The following PROX1 variants were observed in gnomAD, a reference collection of about 807,000 sequenced individuals.
PROX1 encodes prospero homeobox 1, also known as prospero homeobox protein 1.
A neutral mutation model predicts 58.8 loss-of-function variants in PROX1; 7 were observed. The observed-to-expected ratio is 0.12, with a 90% CI of 0.07 to 0.22. The LOEUF (loss-of-function observed/expected upper bound fraction) is 0.22. Ranked by LOEUF, PROX1 falls within the 10% of genes least tolerant of loss-of-function variation. The pLI, the probability that PROX1 is intolerant of heterozygous loss-of-function variation, is 1.00. For missense variants in PROX1, 675 were observed against 927.8 expected (o/e 0.73, Z 3.54); for synonymous variants, 350 against 358.3 (o/e 0.98, Z 0.26).
intron 4 of PROX1, among the ~76,000 whole-genome samples, chr1:214,013,669 G>A (rs1261870276): frequency 6.6e-6 from 1 of 152,138 alleles, no homozygotes; most frequent in Admixed American, 6.5e-5. Flanking sequence ...GGCATCAGGA[G>A]GTACCCGACA....
Position 213,997,514 on chromosome 1 carries a change from C to G in PROX1, c.979C>G (p.Arg327Gly). 5 of 1,613,978 alleles carry G rather than the reference C, an allele frequency of 3.1e-6. No individual in the cohort carries two copies. Among genetic ancestry groups the G allele is most frequent in the Non-Finnish European group, 3.4e-6 (4 of 1,179,968 alleles). The change falls in exon 2 of 5, where the codon CGA becomes GGA. Residue 327 changes from arginine (R) to glycine (G), a missense_variant. Physicochemically the swap from Arg to Gly is moderately radical, Grantham distance 125. Coordinates refer to ENST00000366958, the MANE Select transcript of PROX1 (RefSeq NM_001270616.2). This position sits in a 1 kb window ranked among gnomAD's most constrained non-coding sequence, Gnocchi z 7.1. Reference sequence around the variant, plus strand: ...GGAAATGGCTGAAAACAAGCCGAAGCGAGAAGGCAACAACAAAGAAAGAGA... The same window carrying G: ...GGAAATGGCTGAAAACAAGCCGAAGGGAGAAGGCAACAACAAAGAAAGAGA... ...EQEMAENKPK[R>G]EGNNKERDHG... is the part of the protein sequence containing the mutation.
At position 213,998,007 on chromosome 1, in the gene PROX1, A is replaced by G. The variant is rs767054403; in HGVS notation, c.1472A>G (p.Tyr491Cys). The part of the protein sequence containing the change: ...RHPFPLPLMA[Y>C]PFQSPLGAPS... ...CCCTTCCCCCTTCCCTTGATGGCCT[A>G]TCCATTTCAGAGCCCATTAGGTGCT... The change falls in exon 2 of 5, where the codon TAT (tyrosine) becomes TGT (cysteine). Residue 491 changes from tyrosine to cysteine, a missense_variant. By Grantham distance (194) the Tyr-to-Cys change is radical. Transcript: ENST00000366958. 16 of 1,613,172 alleles carry G rather than the reference A, an allele frequency of 9.9e-6. 2 individuals are homozygous for G. In the South Asian group the frequency reaches 1.8e-4, roughly 18 times the overall value.
intron 2 of PROX1, among the ~76,000 whole-genome samples, chr1:213,999,186 G>A (rs375155351): frequency 1.6e-4 from 24 of 152,062 alleles, no homozygotes; most frequent in African/African-American, 5.1e-4. Flanking sequence ...GGCCTATCCC[G>A]AACTCCAGCT....
Position 213,997,737 on chromosome 1 carries a change from A to C in PROX1, c.1202A>C (p.Asn401Thr). The change falls in exon 2 of 5, where the codon AAT (asparagine) becomes ACT (threonine). Residue 401 changes from asparagine (N) to threonine (T), a missense_variant. By Grantham distance (65) the Asn-to-Thr change is moderately conservative. This residue lies in a region of PROX1 where 403 missense variants were observed against 477.4 expected (regional missense o/e 0.84). Transcript: ENST00000366958. This position sits in a 1 kb window ranked among gnomAD's most constrained non-coding sequence, Gnocchi z 7.1. ...TTTGCAGTCAATGGGGAAAACCACA[A>C]TTTCCACACCGCCAACCAGCGCCTG... Reference protein sequence around the residue: ...ARFAVNGENHNFHTANQRLQC... With the variant: ...ARFAVNGENHTFHTANQRLQC... The C allele has an allele frequency of 6.2e-7, 1 of 1,614,014 alleles. No homozygotes were observed. Among genetic ancestry groups the C allele is most frequent in the African/African-American group, 1.3e-5 (1 of 75,012 alleles).
intron 4 of PROX1, among the ~76,000 whole-genome samples, chr1:214,024,734 C>T (rs72753601): frequency 6.6e-6 from 1 of 152,292 alleles, no homozygotes; most frequent in Non-Finnish European, 1.5e-5. Context: ...TCACGTAATA[C>T]ATTCTCGAAC....
chr1:214,017,423 C>A, intron 4 of PROX1, among the ~76,000 whole-genome samples: 1 of 152,114 alleles, frequency 6.6e-6, no homozygotes, highest in Non-Finnish European at 1.5e-5. Flanking sequence ...TCAGTTACTC[C>A]ATTTAATGTA....
rs1329830884 is a variant in PROX1, at chr1:213,998,133, T to C, written c.1598T>C (p.Leu533Pro). Residue 533 changes from leucine (L) to proline (P), a missense_variant, in exon 2 of 5, where the codon CTG (leucine) becomes CCG (proline). This residue lies in a region of PROX1 where 403 missense variants were observed against 477.4 expected (regional missense o/e 0.84). Coordinates refer to ENST00000366958, the MANE Select transcript of PROX1 (RefSeq NM_001270616.2). ...SLRTKMSSHH[L>P]SHHPCSPAHP... The stretch of plus-strand genomic sequence containing the variant: ...AGGACCAAGATGTCATCTCACCACC[T>C]GAGCCACCACCCTTGTTCACCAGCA... The C allele has an allele frequency of 6.2e-7, 1 of 1,614,092 alleles. No homozygotes were observed.
At chr1:213,984,691 C>T (rs907810678), upstream of PROX1, 1 of 153,258 alleles carries the variant, frequency 6.5e-6, no homozygotes, top group African/African-American at 2.4e-5. Flanking sequence ...GGTTGGTTTT[C>T]CTCTCTTCCC....
Position 214,027,085 on chromosome 1 carries a change from C to G in PROX1, c.2029-8564C>G, listed in dbSNP as rs183598069. Among the ~76,000 whole-genome samples the G allele has an allele frequency of 7.2e-5, 11 of 152,256 alleles. No individual in the cohort carries two copies. The East Asian group carries it at 2.1e-3, about 29-fold the overall frequency. On this transcript the variant is annotated intron_variant, in intron 4 of 4. Coordinates refer to ENST00000366958, the MANE Select transcript of PROX1 (RefSeq NM_001270616.2). Reference sequence around the variant, plus strand: ...TCCATGTAGGTGACAGGAGGAGAGACCTGCTTTCCCGTTGCCACTTTTTGG... The same window carrying G: ...TCCATGTAGGTGACAGGAGGAGAGAGCTGCTTTCCCGTTGCCACTTTTTGG...
At chr1:214,011,825 A>C (rs1057137804) in intron 4 of PROX1, 110 bp downstream of exon 4, 9 of 878,256 alleles carry the variant, frequency 1.0e-5, no homozygotes, top group Non-Finnish European at 1.3e-5. Flanking sequence ...GCATACAAGC[A>C]TCCCCCAATA....
chr1:213,991,677 C>T (rs1002028214), intron 1 of PROX1, among the ~76,000 whole-genome samples: 1 of 152,220 alleles, frequency 6.6e-6, no homozygotes, highest in Non-Finnish European at 1.5e-5. Flanking sequence ...CATCATTCCT[C>T]TATAAGCAGC....
At chr1:213,999,880 A>G (rs972082475) in intron 2 of PROX1, among the ~76,000 whole-genome samples, 1 of 152,206 alleles carries the variant, frequency 6.6e-6, no homozygotes, top group African/African-American at 2.4e-5. Flanking sequence ...AGAAGACACA[A>G]TGGCTTGAAT....
At chr1:213,988,833 C>T (rs1461872234) in intron 1 of PROX1, 2 of 151,984 alleles carry the variant, frequency 1.3e-5, no homozygotes, top group African/African-American at 2.4e-5. Flanking sequence ...ATCTTGTCAC[C>T]TTTTGTGTAC....
rs1162918108 is a variant in PROX1, at chr1:214,039,002, G to A, written c.*3168G>A. The A allele has an allele frequency of 6.6e-6, 1 of 152,138 alleles. No individual in the cohort carries two copies. The highest frequency in any genetic ancestry group is 1.9e-4 in the East Asian group (1 of 5,188). The allele number at this position is 152,138 out of a possible 1,614,324, so 9.4% of individuals were successfully genotyped here. A position where few individuals can be genotyped will look rare whatever the true frequency, so the allele number is the denominator to read the frequency against. On this transcript the variant is annotated 3_prime_UTR_variant, in exon 5 of 5. Coordinates refer to ENST00000366958, the MANE Select transcript of PROX1 (RefSeq NM_001270616.2). ...AAATCTTGTGTTTTCTTAGCCTAATGAAAAGTAGTATAGAAGCAATATTTC... is the reference window on the plus strand; with the variant it reads ...AAATCTTGTGTTTTCTTAGCCTAATAAAAAGTAGTATAGAAGCAATATTTC...
At chr1:214,002,394 C>CTTT (rs372752239) in intron 2 of PROX1, among the ~76,000 whole-genome samples, 1 of 128,966 alleles carries the variant, frequency 7.8e-6, no homozygotes, top group African/African-American at 2.9e-5. Context: ...ATCATCTTTT[C>CTTT]TTTTTTTTTT....
intron 2 of PROX1, among the ~76,000 whole-genome samples, chr1:213,999,477 C>A (rs1409114584): frequency 1.3e-5 from 2 of 152,160 alleles, no homozygotes; most frequent in Non-Finnish European, 2.9e-5. Flanking sequence ...AAAGTCCCAG[C>A]TATTGGTGGA....
At chr1:214,032,352 G>A (rs1042916565) in intron 4 of PROX1, among the ~76,000 whole-genome samples, 2 of 151,292 alleles carry the variant, frequency 1.3e-5, no homozygotes, top group African/African-American at 4.9e-5. Flanking sequence ...AGATCTATTC[G>A]AACTCTTTGA....
chr1:214,034,054 G>C (rs987029897), intron 4 of PROX1, among the ~76,000 whole-genome samples: 3 of 152,174 alleles, frequency 2.0e-5, no homozygotes, highest in Middle Eastern at 3.2e-3. Context: ...AGGAGGGTCT[G>C]ATAAAAATGT....
chr1:214,027,894 T>A (rs945404247), intron 4 of PROX1, among the ~76,000 whole-genome samples: 2 of 151,728 alleles, frequency 1.3e-5, no homozygotes, highest in African/African-American at 4.8e-5. Flanking sequence ...CAGACTGTTA[T>A]TGCCATGTGT....
Sources: allele counts gnomAD v4.1 joint callset (sites outside exome capture counted in the v4.1 genomes callset), GRCh38; gene constraint gnomAD v4.1.1; regional missense constraint gnomAD v4.1.1; non-coding constraint Gnocchi (gnomAD v3.1); transcripts MANE v1.5; gene names NCBI Gene and HGNC (gene_info 2026-07-23, HGNC 2026-07-21).